MCPH1: variants seen among roughly 807,000 people sequenced by gnomAD.
MCPH1 encodes microcephalin.
A neutral mutation model predicts 84.5 loss-of-function variants in MCPH1; 104 were observed. That is an observed-to-expected ratio of 1.23 (90% CI 1.05 to 1.45). The LOEUF (loss-of-function observed/expected upper bound fraction) is 1.45, where lower values mean the gene tolerates loss of function less well. Among genes scored for constraint, MCPH1 ranks in the 40% most tolerant of loss-of-function variants. The probability of loss-of-function intolerance (pLI) is 0.00; values close to 1 mark genes in which losing one functional copy is unlikely to be tolerated. For missense variants in MCPH1, 1,498 were observed against 1,005.7 expected (o/e 1.49, Z -6.62); for synonymous variants, 514 against 366.8 (o/e 1.40, Z -4.58).
intron 12 of MCPH1, among the ~76,000 whole-genome samples, chr8:6,511,304 T>A (rs1001469527): frequency 1.3e-5 from 2 of 152,002 alleles, no homozygotes; most frequent in African/African-American, 4.8e-5. Flanking sequence ...TTTTTTTCAA[T>A]CTCTGCAGCT....
At chr8:6,516,091 A>G (rs1816216294) in intron 12 of MCPH1, among the ~76,000 whole-genome samples, 1 of 152,144 alleles carries the variant, frequency 6.6e-6, no homozygotes, top group Non-Finnish European at 1.5e-5. Context: ...CCCCAGTGGC[A>G]CTCATGTTTG....
chr8:6,406,972 C>T (rs1234317248), intron 1 of MCPH1: 7 of 514,654 alleles, frequency 1.4e-5, no homozygotes, highest in Non-Finnish European at 2.4e-5. Flanking sequence ...CCTGCTTCCT[C>T]CCCCGTACTG....
chr8:6,474,145 A>G (rs1022819929), intron 9 of MCPH1: 9 of 755,748 alleles, frequency 1.2e-5, no homozygotes, highest in African/African-American at 6.9e-5. Flanking sequence ...CAATAACTCC[A>G]CATTCTCTCA....
intron 13 of MCPH1, chr8:6,625,019 G>C (rs889553541): frequency 2.1e-6 from 1 of 480,000 alleles, no homozygotes; most frequent in Non-Finnish European, 2.7e-6. Context: ...GGAATTACAG[G>C]CCCCGCCACC....
rs1832006483 is a variant in MCPH1, at chr8:6,625,731, C to A, written c.2452+4040C>A. 16 of 973,688 alleles carry A rather than the reference C, an allele frequency of 1.6e-5. No homozygotes were observed. The South Asian group carries it at 7.1e-4, about 43-fold the overall frequency. 60.3% of individuals were successfully genotyped at this position (973,688 alleles called of 1,614,324 possible). ...CCCATAAGTTCAAGGCTGCGGTGAGCAACGATCCCACCACTGTACTCCAGC... is the reference window on the plus strand; with the variant it reads ...CCCATAAGTTCAAGGCTGCGGTGAGAAACGATCCCACCACTGTACTCCAGC... On this transcript the variant is annotated intron_variant, in intron 13 of 13. Coordinates refer to ENST00000344683, the MANE Select transcript of MCPH1 (RefSeq NM_024596.5).
At chr8:6,472,204 C>A (rs1807813792) in intron 9 of MCPH1, among the ~76,000 whole-genome samples, 1 of 151,894 alleles carries the variant, frequency 6.6e-6, no homozygotes, top group African/African-American at 2.4e-5. Flanking sequence ...ATGAATATGC[C>A]AAGCATATAA....
chr8:6,439,781 C>G (rs1000034818), intron 6 of MCPH1, among the ~76,000 whole-genome samples: 3 of 152,140 alleles, frequency 2.0e-5, no homozygotes, highest in African/African-American at 7.2e-5. Context: ...TTTCTTTTAT[C>G]TTTAAAATTT....
intron 3 of MCPH1, among the ~76,000 whole-genome samples, chr8:6,422,779 C>G (rs1800408626): frequency 6.6e-6 from 1 of 152,018 alleles, no homozygotes. Context: ...ACCTCCGCCT[C>G]CTGGGTTCAT....
Position 6,607,755 on chromosome 8 carries a change from C to G in MCPH1, c.2215-13699C>G, listed in dbSNP as rs898904215. On this transcript the variant is annotated intron_variant, in intron 12 of 13. Transcript: ENST00000344683. ...CTTGCTTCCCATTTTTCTCTCTTGT[C>G]TGCTGCCATGTAAGACATGCTGTCC... Among the ~76,000 whole-genome samples, 3 of 152,194 alleles carry G rather than the reference C, an allele frequency of 2.0e-5. No individual in the cohort carries two copies. In the East Asian group the frequency reaches 5.8e-4, roughly 29 times the overall value.
chr8:6,646,212 G>C lies in MCPH1; in HGVS notation c.*3163G>C, dbSNP rs1451133700. 2.6e-5 allele frequency: 4 copies of C among 152,182 alleles called. No homozygotes were observed. The highest frequency in any genetic ancestry group is 9.7e-5 in the African/African-American group (4 of 41,444). 9.4% of individuals were successfully genotyped at this position (152,182 alleles called of 1,614,324 possible). A position where few individuals can be genotyped will look rare whatever the true frequency, so the allele number is the denominator to read the frequency against. ...GGCTGAGGCGGGTGGATCACTTGAA[G>C]TCGGGAGTTTAAGACCAGCCTGGCC... On this transcript the variant is annotated 3_prime_UTR_variant, in exon 14 of 14. Transcript: ENST00000344683.
chr8:6,487,667 C>T (rs1297242382), intron 11 of MCPH1, among the ~76,000 whole-genome samples: 1 of 152,250 alleles, frequency 6.6e-6, no homozygotes, highest in African/African-American at 2.4e-5. Context: ...TCAGGTCTCT[C>T]TGGCAGACAT....
intron 13 of MCPH1, chr8:6,627,294 G>A (rs1796809291): frequency 1.0e-6 from 1 of 985,250 alleles, no homozygotes; most frequent in Non-Finnish European, 1.2e-6. Flanking sequence ...GCAGAGAGGG[G>A]AGGCCATCTG....
In MCPH1 at chr8:6,513,775, G is replaced by A. The variant is rs760458544; in HGVS notation, c.2214+13846G>A. On this transcript the variant is annotated intron_variant, in intron 12 of 13. Coordinates refer to ENST00000344683, the MANE Select transcript of MCPH1 (RefSeq NM_024596.5). ...TTAAGGTGTATTTTAAGCACATAGC[G>A]TTGCTGATTAGTCAGTTGCGAAACA... 19 of 1,613,850 alleles carry A rather than the reference G, an allele frequency of 1.2e-5. No individual in the cohort carries two copies. The highest frequency in any genetic ancestry group is 1.6e-4 in the Middle Eastern group (1 of 6,062).
intron 4 of MCPH1, among the ~76,000 whole-genome samples, chr8:6,434,943 G>A (rs895450465): frequency 1.3e-5 from 2 of 152,180 alleles, no homozygotes; most frequent in Admixed American, 6.5e-5. Context: ...GGCTAAAGAC[G>A]GGAAGTCAAT....
At chr8:6,474,916 G>T (rs575824386) in intron 9 of MCPH1, among the ~76,000 whole-genome samples, 1 of 152,244 alleles carries the variant, frequency 6.6e-6, no homozygotes, top group South Asian at 2.1e-4. Flanking sequence ...TATTCAACTA[G>T]TCTCATTTGC....
chr8:6,508,689 C>T (rs1244526933), intron 12 of MCPH1: 24 of 603,728 alleles, frequency 4.0e-5, no homozygotes, highest in African/African-American at 3.2e-4. Flanking sequence ...CCTCTCCTTG[C>T]CAGGGCTAGG....
chr8:6,537,480 CAT>C (rs1333875466), intron 12 of MCPH1, among the ~76,000 whole-genome samples: 1 of 151,880 alleles, frequency 6.6e-6, no homozygotes, highest in Non-Finnish European at 1.5e-5. Flanking sequence ...GCGCCCCAGA[CAT>C]AGTCTTTAAA....
rs575512192 is a variant in MCPH1 at position 6,422,887 on chromosome 8, A to G, written c.233+8004A>G. On this transcript the variant is annotated intron_variant, in intron 3 of 13. Coordinates refer to ENST00000344683, the MANE Select transcript of MCPH1 (RefSeq NM_024596.5). ...GTGGTTTTAGTAGAGACGGGGTTTC[A>G]CTGTGTTAGCCAGGATGGTCTCGAT... 1.4e-3 allele frequency among the ~76,000 whole-genome samples: 211 copies of G among 151,758 alleles called. 11 individuals carry two copies. In the South Asian group the frequency reaches 0.043, roughly 31 times the overall value.
rs1554469329 is a variant in MCPH1 at position 6,592,848 on chromosome 8, G to A, written c.2215-28606G>A. ...TTTTTTTTTTTTTTTTGTATTTTTG[G>A]TGAAGACGAGGTCTTGCCATGTTGC... is the stretch of plus-strand genomic sequence containing the variant. On this transcript the variant is annotated intron_variant, in intron 12 of 13. Transcript: ENST00000344683. Among the ~76,000 whole-genome samples the A allele has an allele frequency of 2.1e-5, 3 of 143,148 alleles. No individual in the cohort carries two copies. In the South Asian group the frequency reaches 6.6e-4, roughly 31 times the overall value. The allele number at this position is 143,148 out of a possible 152,430, so 93.9% of individuals were successfully genotyped here.
Sources: allele counts gnomAD v4.1 joint callset (sites outside exome capture counted in the v4.1 genomes callset), GRCh38; gene constraint gnomAD v4.1.1; transcripts MANE v1.5; gene names NCBI Gene and HGNC (gene_info 2026-07-23, HGNC 2026-07-21).